CYYR1: variants seen among roughly 807,000 people sequenced by gnomAD.
CYYR1 encodes the protein cysteine and tyrosine rich 1.
In CYYR1, 14 loss-of-function variants were observed where a neutral mutation model predicts 15.2. That is an observed-to-expected ratio of 0.92 (90% CI 0.61 to 1.44). The LOEUF (loss-of-function observed/expected upper bound fraction) is 1.44, where lower values mean the gene tolerates loss of function less well. Ranked by LOEUF, CYYR1 falls within the 40% of genes most tolerant of loss-of-function variation. CYYR1 has a pLI of 0.00. For synonymous variants in CYYR1, 80 were observed against 77.4 expected (o/e 1.03, Z -0.18); for missense variants, 228 against 209.5 (o/e 1.09, Z -0.54).
At chr21:26,517,723 T>C (rs2065750667) in intron 2 of CYYR1, among the ~76,000 whole-genome samples, 5 of 152,248 alleles carry the variant, frequency 3.3e-5, no homozygotes, top group Middle Eastern at 3.4e-3. Flanking sequence ...GCCTGGCTAA[T>C]TTTTGTATTT....
At chr21:26,524,986 T>C (rs1179615721) in intron 2 of CYYR1, among the ~76,000 whole-genome samples, 3 of 152,202 alleles carry the variant, frequency 2.0e-5, no homozygotes, top group Admixed American at 6.5e-5. Context: ...AGGCAATAAA[T>C]TGATTACTGG....
intron 2 of CYYR1, among the ~76,000 whole-genome samples, chr21:26,483,865 T>C (rs1461453119): frequency 6.6e-6 from 1 of 152,100 alleles, no homozygotes; most frequent in East Asian, 1.9e-4. Flanking sequence ...TCCTCATTTA[T>C]AAAGGGAAGG....
intron 1 of CYYR1, among the ~76,000 whole-genome samples, chr21:26,567,236 T>G (rs1980697164): frequency 6.6e-6 from 1 of 152,214 alleles, no homozygotes; most frequent in Admixed American, 6.5e-5. Flanking sequence ...CTGCATCCTG[T>G]AAATTCATCT....
intron 2 of CYYR1, among the ~76,000 whole-genome samples, chr21:26,520,875 T>C (rs547508290): frequency 1.3e-5 from 2 of 152,288 alleles, no homozygotes; most frequent in East Asian, 3.9e-4. Context: ...AGATCATGTC[T>C]TTTGCAGGGA....
intron 2 of CYYR1, among the ~76,000 whole-genome samples, chr21:26,512,301 C>T (rs950424773): frequency 2.6e-5 from 4 of 151,972 alleles, no homozygotes; most frequent in Admixed American, 6.6e-5. Context: ...AGGGTCCAAG[C>T]GATTCTCCTG....
chr21:26,540,023 T>C (rs1978437351), intron 2 of CYYR1, among the ~76,000 whole-genome samples: 1 of 152,228 alleles, frequency 6.6e-6, no homozygotes, highest in African/African-American at 2.4e-5. Flanking sequence ...GCCTCTTTTT[T>C]GTGTTTTAAG....
chr21:26,543,952 C>T (rs1275735416), intron 2 of CYYR1, among the ~76,000 whole-genome samples: 2 of 151,850 alleles, frequency 1.3e-5, no homozygotes, highest in South Asian at 2.1e-4. Context: ...TAAATGGTCA[C>T]ACATAGCTGC....
chr21:26,479,399 G>T (rs1258192711), intron 3 of CYYR1, among the ~76,000 whole-genome samples: 1 of 151,908 alleles, frequency 6.6e-6, no homozygotes, highest in Non-Finnish European at 1.5e-5. Flanking sequence ...TTCTTTTCCT[G>T]TAGAGACAGA....
chr21:26,527,332 T>G (rs975313839), intron 2 of CYYR1, among the ~76,000 whole-genome samples: 3 of 152,220 alleles, frequency 2.0e-5, no homozygotes, highest in Non-Finnish European at 4.4e-5. Flanking sequence ...GGCCTCTTTT[T>G]TAAAGGCATG....
At chr21:26,501,968 T>C (rs1442187971) in intron 2 of CYYR1, among the ~76,000 whole-genome samples, 1 of 152,134 alleles carries the variant, frequency 6.6e-6, no homozygotes, top group Non-Finnish European at 1.5e-5. Context: ...CTCAATGCCT[T>C]AGGGTAAAAA....
At chr21:26,504,290 A>C (rs1312676100) in intron 2 of CYYR1, among the ~76,000 whole-genome samples, 1 of 151,282 alleles carries the variant, frequency 6.6e-6, no homozygotes. Flanking sequence ...TTTATTTTTG[A>C]GACAGAGTCT....
rs1388352732 is a variant in CYYR1 at position 26,467,082 on chromosome 21, T to C, written c.*1419A>G. 6.6e-6 allele frequency: 1 copy of C among 152,198 alleles called. No homozygotes were observed. Among genetic ancestry groups the C allele is most frequent in the Non-Finnish European group, 1.5e-5 (1 of 68,020 alleles). The allele number at this position is 152,198 out of a possible 1,614,324, so 9.4% of individuals were successfully genotyped here. ...TGTTTGATTGTTTCATTCAGCAAAA[T>C]TCTTGGCACTGTTTTGGGATTTCAC... On this transcript the variant is annotated 3_prime_UTR_variant, in exon 4 of 4. Transcript: ENST00000652641.
At chr21:26,468,655 A>T (rs2064997487) in intron 3 of CYYR1, 21 bp from the exon 4 acceptor site, 3 of 1,549,196 alleles carry the variant, frequency 1.9e-6, no homozygotes, top group Non-Finnish European at 2.6e-6. Flanking sequence ...AGGGGAAGAG[A>T]ACATCAAGGA....
intron 2 of CYYR1, among the ~76,000 whole-genome samples, chr21:26,502,708 A>G (rs1171292650): frequency 5.9e-5 from 9 of 152,160 alleles, no homozygotes; most frequent in Middle Eastern, 3.4e-3. Flanking sequence ...ATTATATACT[A>G]TGTTTACCTC....
intron 2 of CYYR1, among the ~76,000 whole-genome samples, chr21:26,499,503 T>G (rs2065451816): frequency 6.6e-6 from 1 of 152,214 alleles, no homozygotes; most frequent in South Asian, 2.1e-4. Flanking sequence ...AGTTAAAATT[T>G]TTTGGTAATT....
intron 2 of CYYR1, chr21:26,564,945 G>A: frequency 2.4e-6 from 1 of 423,666 alleles, no homozygotes; most frequent in Non-Finnish European, 3.3e-6. Context: ...TTAAATTTGA[G>A]CTGATAAGTT....
chr21:26,479,379 A>G (rs1181089446), intron 3 of CYYR1, among the ~76,000 whole-genome samples: 1 of 152,128 alleles, frequency 6.6e-6, no homozygotes, highest in African/African-American at 2.4e-5. Context: ...TGCATGTAGA[A>G]GGTACCCTGT....
At chr21:26,561,707 A>C (rs1485431287) in intron 2 of CYYR1, among the ~76,000 whole-genome samples, 1 of 152,218 alleles carries the variant, frequency 6.6e-6, no homozygotes, top group East Asian at 1.9e-4. Flanking sequence ...ACAATGGCAA[A>C]GTGGAAAAGC....
At chr21:26,549,354 G>T (rs1375413663) in intron 2 of CYYR1, among the ~76,000 whole-genome samples, 1 of 152,152 alleles carries the variant, frequency 6.6e-6, no homozygotes, top group Non-Finnish European at 1.5e-5. Flanking sequence ...AAAAATGTAT[G>T]AACATGGTTG....
Sources: gnomAD v4.1 joint callset for allele counts (sites outside exome capture counted in the v4.1 genomes callset) on GRCh38, gnomAD v4.1.1 for gene constraint, MANE v1.5 for transcripts, NCBI Gene and HGNC (gene_info 2026-07-23, HGNC 2026-07-21) for gene names.